SMAD6: variants seen among roughly 807,000 people sequenced by gnomAD.
SMAD6 encodes the protein MAD homolog 6.
A neutral mutation model predicts 39.4 loss-of-function variants in SMAD6; 103 were observed. That is an observed-to-expected ratio of 2.62 (90% confidence interval 2.23 to 3.08). SMAD6 has a LOEUF of 3.08. SMAD6 is among the 30% of genes most tolerant of loss of function. The pLI is 0.00. For synonymous variants in SMAD6, 445 were observed against 353.3 expected (o/e 1.26, Z -2.91); for missense variants, 1,104 against 742.9 (o/e 1.49, Z -5.65).
In SMAD6 at chr15:66,781,001, C is replaced by T. The variant is rs1326830939; in HGVS notation, c.957C>T (p.Ala319=). ...LITAPGEFSD[A]SMSPDATKPS... ...GTCCCTGTGCTTGTCCCGCAGACGC[C>T]AGCATGTCTCCGGACGCCACCAAGC... Residue 319 remains alanine, a synonymous_variant, in exon 4 of 4, where the codon GCC becomes GCT. Coordinates refer to ENST00000288840, the MANE Select transcript of SMAD6 (RefSeq NM_005585.5). 1.3e-6 allele frequency: 2 copies of T among 1,569,986 alleles called. No homozygotes were observed. Among genetic ancestry groups the T allele is most frequent in the Admixed American group, 3.5e-5 (2 of 57,052 alleles).
intron 3 of SMAD6, among the ~76,000 whole-genome samples, chr15:66,773,184 G>A (rs889697150): frequency 4.8e-5 from 7 of 146,086 alleles, no homozygotes; most frequent in Admixed American, 1.4e-4. Context: ...GCTTCCTCTA[G>A]GAGCCAAAGG....
rs1555437347 is a variant in SMAD6, at chr15:66,747,059, C to T, written c.952+30561C>T. On this transcript the variant is annotated intron_variant, in intron 3 of 3. Coordinates refer to ENST00000288840, the MANE Select transcript of SMAD6 (RefSeq NM_005585.5). The surrounding 1 kb of genome is among the most constrained non-coding windows in gnomAD (Gnocchi z 4.5). ...TATGTCAGTTCTTGCTAGAATAGCA[C>T]TAATACATAAATTTCTTCTGGCTTG... Among the ~76,000 whole-genome samples the T allele has an allele frequency of 6.6e-6, 1 of 152,220 alleles. No homozygotes were observed. The highest frequency in any genetic ancestry group is 1.5e-5 in the Non-Finnish European group (1 of 68,036).
At chr15:66,760,459 G>A (rs1894178797) in intron 3 of SMAD6, among the ~76,000 whole-genome samples, 1 of 152,256 alleles carries the variant, frequency 6.6e-6, no homozygotes, top group South Asian at 2.1e-4. Context: ...GGGTTGTTGT[G>A]AGAACTAGGT....
chr15:66,743,227 C>T (rs1893846925), intron 3 of SMAD6, among the ~76,000 whole-genome samples: 1 of 152,130 alleles, frequency 6.6e-6, no homozygotes, highest in Non-Finnish European at 1.5e-5. Flanking sequence ...GCTGAGTTTT[C>T]TTTCTAAGAA....
chr15:66,715,641 G>T (rs74879288), intron 2 of SMAD6, among the ~76,000 whole-genome samples: 1 of 152,126 alleles, frequency 6.6e-6, no homozygotes, highest in African/African-American at 2.4e-5. Flanking sequence ...AAAAGGCATC[G>T]GCTTGTCAAA....
chr15:66,759,977 A>G (rs1290152905), intron 3 of SMAD6, among the ~76,000 whole-genome samples: 2 of 152,132 alleles, frequency 1.3e-5, no homozygotes, highest in Non-Finnish European at 2.9e-5. Context: ...GCCTCTGCAG[A>G]CTTTTCACTA....
rs1894579926 is a variant in SMAD6, at chr15:66,781,573, G to C, written c.*38G>C. 7.0e-7 allele frequency: 1 copy of C among 1,431,952 alleles called. No homozygotes were observed. Among genetic ancestry groups the C allele is most frequent in the Admixed American group, 2.8e-5 (1 of 36,194 alleles). 88.7% of individuals were successfully genotyped at this position (1,431,952 alleles called of 1,614,324 possible). On this transcript the variant is annotated 3_prime_UTR_variant, in exon 4 of 4. Transcript: ENST00000288840. ...CGGGAGGGGCGGGTGGGAGGCCGCG[G>C]CCACCGCCACCTGCCGGCCTCGAGA...
At chr15:66,760,568 C>CA (rs1894181157) in intron 3 of SMAD6, among the ~76,000 whole-genome samples, 1 of 152,212 alleles carries the variant, frequency 6.6e-6, no homozygotes, top group Admixed American at 6.5e-5. Flanking sequence ...TCTCATGTCA[C>CA]AGTTGGGGAA....
chr15:66,735,657 A>G (rs1401499230), intron 3 of SMAD6, among the ~76,000 whole-genome samples: 1 of 152,154 alleles, frequency 6.6e-6, no homozygotes, highest in African/African-American at 2.4e-5. Flanking sequence ...TCTCCACTGG[A>G]GTCCAGCTCA....
Position 66,782,061 on chromosome 15 carries a change from A to T in SMAD6, c.*526A>T. The stretch of plus-strand genomic sequence containing the variant: ...TCAGCGGATTTCTGACCCATCATGT[A>T]CCTTGAAACTTGACCTCAGTTTTCA... On this transcript the variant is annotated 3_prime_UTR_variant, in exon 4 of 4. Transcript: ENST00000288840. 2.5e-6 allele frequency: 1 copy of T among 397,786 alleles called. No individual in the cohort carries two copies. The highest frequency in any genetic ancestry group is 3.6e-5 in the East Asian group (1 of 27,898). The allele number at this position is 397,786 out of a possible 1,614,324, so 24.6% of individuals were successfully genotyped here.
In SMAD6 at chr15:66,743,004, G is replaced by A. The variant is rs537728428; in HGVS notation, c.952+26506G>A. On this transcript the variant is annotated intron_variant, in intron 3 of 3. Transcript: ENST00000288840. ...GTGGTGGTCCGTGCCCTGACCGTGT[G>A]ACCGTTCCCTCTGTGGGCCTCAGTT... 5.2e-3 allele frequency among the ~76,000 whole-genome samples: 790 copies of A among 152,244 alleles called. 8 individuals carry two copies. Among genetic ancestry groups the A allele is most frequent in the African/African-American group, 0.018 (756 of 41,544 alleles).
At position 66,703,932 on chromosome 15, in the gene SMAD6, T is replaced by G; in HGVS notation, c.674T>G (p.Leu225Arg). 1 of 1,356,936 alleles carries G rather than the reference T, an allele frequency of 7.4e-7. No homozygotes were observed. Among genetic ancestry groups the G allele is most frequent in the Non-Finnish European group, 9.5e-7 (1 of 1,054,532 alleles). The allele number at this position is 1,356,936 out of a possible 1,614,324, so 84.1% of individuals were successfully genotyped here. A position where few individuals can be genotyped will look rare whatever the true frequency, so the allele number is the denominator to read the frequency against. Residue 225 changes from leucine to arginine, a missense_variant, in exon 1 of 4, where the codon CTG (leucine) becomes CGG (arginine). Leu to Arg is a moderately radical substitution (Grantham distance 102). Transcript: ENST00000288840. ...GGCCAGCCCGCGCCGCCGCAGCTGC[T>G]GCTCGGCCGCCTCTTTCGCTGGCCC... ...LGGQPAPPQLLLGRLFRWPDL... is the reference protein window; with the variant it reads ...LGGQPAPPQLRLGRLFRWPDL...
chr15:66,770,580 AAAAC>A (rs769758135), intron 3 of SMAD6, among the ~76,000 whole-genome samples: 17 of 152,148 alleles, frequency 1.1e-4, no homozygotes, highest in Admixed American at 4.6e-4. Flanking sequence ...TCTGAGTAAG[AAAAC>A]AAACAAACAC....
Position 66,781,561 on chromosome 15 carries a change from T to A in SMAD6, c.*26T>A. 8.1e-7 allele frequency: 1 copy of A among 1,228,298 alleles called. No homozygotes were observed. The highest frequency in any genetic ancestry group is 1.1e-6 in the Non-Finnish European group (1 of 919,316). The allele number at this position is 1,228,298 out of a possible 1,614,324, so 76.1% of individuals were successfully genotyped here. A position where few individuals can be genotyped will look rare whatever the true frequency, so the allele number is the denominator to read the frequency against. ...TGGCGGCCCCGGCGGGAGGGGCGGGTGGGAGGCCGCGGCCACCGCCACCTG... is the reference window on the plus strand; with the variant it reads ...TGGCGGCCCCGGCGGGAGGGGCGGGAGGGAGGCCGCGGCCACCGCCACCTG... On this transcript the variant is annotated 3_prime_UTR_variant, in exon 4 of 4. Coordinates refer to ENST00000288840, the MANE Select transcript of SMAD6 (RefSeq NM_005585.5).
chr15:66,704,110 T>C, intron 1 of SMAD6, 35 bp downstream of exon 1: 2 of 1,367,312 alleles, frequency 1.5e-6, no homozygotes, highest in South Asian at 1.5e-5. Flanking sequence ...GGGCCCCGGG[T>C]CCCCGTCCCC....
intron 3 of SMAD6, among the ~76,000 whole-genome samples, chr15:66,778,548 T>G (rs1428520715): frequency 6.6e-6 from 1 of 151,986 alleles, no homozygotes; most frequent in Non-Finnish European, 1.5e-5. Flanking sequence ...GTAAAGTGAG[T>G]CCTCCAAGAG....
At position 66,712,688 on chromosome 15, in the gene SMAD6, CA is replaced by C. The variant is rs775687604; in HGVS notation, c.874+987del. Among the ~76,000 whole-genome samples the C allele has an allele frequency of 7.2e-3, 355 of 49,378 alleles. 2 individuals carry two copies. Among genetic ancestry groups the C allele is most frequent in the Middle Eastern group, 0.022 (2 of 92 alleles). 32.4% of individuals were successfully genotyped at this position (49,378 alleles called of 152,430 possible). A position where few individuals can be genotyped will look rare whatever the true frequency, so the allele number is the denominator to read the frequency against. On this transcript the variant is annotated intron_variant, in intron 2 of 3. Coordinates refer to ENST00000288840, the MANE Select transcript of SMAD6 (RefSeq NM_005585.5). The stretch of plus-strand genomic sequence containing the variant: ...CGACAGAGTGAGTGAAATTCTGTCT[CA>C]AAAAAAAAAAAAAAAAAAAAAAGAG...
chr15:66,756,858 T>A (rs1235411169), intron 3 of SMAD6, among the ~76,000 whole-genome samples: 1 of 152,242 alleles, frequency 6.6e-6, no homozygotes, highest in African/African-American at 2.4e-5. Context: ...GCTCCCCTTG[T>A]GTCTGTTTTG....
intron 3 of SMAD6, among the ~76,000 whole-genome samples, chr15:66,750,448 C>T (rs1893983516): frequency 2.6e-5 from 4 of 152,178 alleles, no homozygotes; most frequent in Non-Finnish European, 2.9e-5. Flanking sequence ...AGGGAACATC[C>T]TCTGAGCCCA....
Sources: gnomAD v4.1 joint callset for allele counts (sites outside exome capture counted in the v4.1 genomes callset) on GRCh38, gnomAD v4.1.1 for gene constraint, Gnocchi (gnomAD v3.1) non-coding constraint, MANE v1.5 for transcripts, NCBI Gene and HGNC (gene_info 2026-07-23, HGNC 2026-07-21) for gene names.